Variants in WWTR1 observed in about 807,000 individuals in gnomAD.
The protein encoded by WWTR1 is WW domain containing transcription regulator 1.
A neutral mutation model predicts 40.1 loss-of-function variants in WWTR1; 13 were observed. That is an observed-to-expected ratio of 0.32 (90% confidence interval 0.21 to 0.52). The LOEUF is 0.52. Among genes scored for constraint, WWTR1 ranks in the 20% least tolerant of loss-of-function variants. The probability of loss-of-function intolerance (pLI) is 0.97; values close to 1 mark genes in which losing one functional copy is unlikely to be tolerated. For missense variants in WWTR1, 436 were observed against 523.1 expected, an observed-to-expected ratio of 0.83 and a Z score of 1.63; for synonymous variants, 230 against 210.1, an observed-to-expected ratio of 1.09 and a Z score of -0.82.
At chr3:149,704,073 G>A (rs1227018778), upstream of WWTR1, among the ~76,000 whole-genome samples, 2 of 152,048 alleles carry the variant, frequency 1.3e-5, no homozygotes, top group Admixed American at 6.6e-5. Flanking sequence ...GAACTTCTGA[G>A]CTCAAGCAAT....
At chr3:149,565,293 C>T (rs1737257922) in intron 3 of WWTR1, among the ~76,000 whole-genome samples, 1 of 151,724 alleles carries the variant, frequency 6.6e-6, no homozygotes, top group Non-Finnish European at 1.5e-5. Context: ...CCAAAATATT[C>T]ACCTAGCATA....
intron 3 of WWTR1, among the ~76,000 whole-genome samples, chr3:149,567,093 A>C (rs1335956885): frequency 6.6e-6 from 1 of 151,930 alleles, no homozygotes; most frequent in African/African-American, 2.4e-5. Flanking sequence ...GGATACTAGC[A>C]TCTCAGGTCA....
intron 2 of WWTR1, among the ~76,000 whole-genome samples, chr3:149,590,440 A>C (rs1026881832): frequency 1.3e-5 from 2 of 152,302 alleles, no homozygotes; most frequent in East Asian, 3.9e-4. Context: ...ACCTGAGGTC[A>C]GGAGTTTCAG....
chr3:149,591,000 T>G (rs1738690630), intron 2 of WWTR1, among the ~76,000 whole-genome samples: 1 of 63,888 alleles, frequency 1.6e-5, no homozygotes, highest in South Asian at 7.1e-4. Flanking sequence ...AAAACTTAGC[T>G]TTTTTTTTTT....
At chr3:149,682,015 T>C (rs1714471655) in intron 1 of WWTR1, among the ~76,000 whole-genome samples, 1 of 152,206 alleles carries the variant, frequency 6.6e-6, no homozygotes, top group Admixed American at 6.5e-5. Context: ...AAAAATCTGT[T>C]AAGAGGGTAG....
intron 1 of WWTR1, among the ~76,000 whole-genome samples, chr3:149,683,814 A>C (rs1186682622): frequency 6.6e-6 from 1 of 152,250 alleles, no homozygotes; most frequent in African/African-American, 2.4e-5. Context: ...AGGGAGAAGC[A>C]TGACAGCATG....
intron 3 of WWTR1, among the ~76,000 whole-genome samples, chr3:149,551,880 G>C (rs1736629204): frequency 6.9e-6 from 1 of 145,624 alleles, no homozygotes; most frequent in Non-Finnish European, 1.5e-5. Flanking sequence ...CTGTCAGTGT[G>C]TCCTCCTTGG....
intron 4 of WWTR1, among the ~76,000 whole-genome samples, chr3:149,723,184 T>A (rs1185492588): frequency 1.5e-5 from 1 of 68,940 alleles, no homozygotes; most frequent in Non-Finnish European, 3.3e-5. Context: ...TCTTTTCTTT[T>A]CTTTTTTTTT....
chr3:149,715,714 C>T (rs2108234278), intron 5 of WWTR1, among the ~76,000 whole-genome samples: 1 of 152,342 alleles, frequency 6.6e-6, no homozygotes, highest in South Asian at 2.1e-4. Context: ...CCCAGAACAA[C>T]AGTACTTCAT....
chr3:149,580,784 T>C (rs1207319006), intron 2 of WWTR1, among the ~76,000 whole-genome samples: 1 of 152,140 alleles, frequency 6.6e-6, no homozygotes, highest in African/African-American at 2.4e-5. Context: ...GGCTAACTTT[T>C]GTATTTTTAG....
At chr3:149,534,993 AGAG>A (rs1377509115) in intron 4 of WWTR1, among the ~76,000 whole-genome samples, 1 of 152,200 alleles carries the variant, frequency 6.6e-6, no homozygotes, top group East Asian at 1.9e-4. Flanking sequence ...ATAAACCAAC[AGAG>A]GAGGTGAGAA....
chr3:149,651,829 C>CTTTTTT (rs764013293), intron 2 of WWTR1, among the ~76,000 whole-genome samples: 1 of 118,000 alleles, frequency 8.5e-6, no homozygotes, highest in Non-Finnish European at 1.7e-5. Flanking sequence ...TATGGATTTT[C>CTTTTTT]TTTTTTTTTT....
chr3:149,627,862 T>G (rs572891912), intron 2 of WWTR1, among the ~76,000 whole-genome samples: 18 of 139,388 alleles, frequency 1.3e-4, no homozygotes, highest in South Asian at 4.5e-4. Context: ...TCACCAGAGG[T>G]CGGGAGCTCG....
chr3:149,712,205 G>A (rs1431777522), intron 5 of WWTR1, among the ~76,000 whole-genome samples: 1 of 152,176 alleles, frequency 6.6e-6, no homozygotes, highest in Non-Finnish European at 1.5e-5. Flanking sequence ...TGGGAGGATT[G>A]AGGCCAGGAG....
intron 1 of WWTR1, chr3:149,702,612 T>C (rs939683496): frequency 6.6e-6 from 1 of 152,070 alleles, no homozygotes; most frequent in Non-Finnish European, 1.5e-5. Flanking sequence ...ACTACTGTGA[T>C]TCTTTGACTT....
At chr3:149,671,349 G>T (rs895771604) in intron 1 of WWTR1, among the ~76,000 whole-genome samples, 1 of 152,256 alleles carries the variant, frequency 6.6e-6, no homozygotes, top group African/African-American at 2.4e-5. Context: ...AAAGAGCAGA[G>T]GCAAACCAGA....
chr3:149,635,980 C>T (rs1302387923), intron 2 of WWTR1, among the ~76,000 whole-genome samples: 1 of 152,054 alleles, frequency 6.6e-6, no homozygotes, highest in Non-Finnish European at 1.5e-5. Flanking sequence ...AGATGATAAC[C>T]TTATCAAATC....
At chr3:149,581,502 C>T (rs908713845) in intron 2 of WWTR1, among the ~76,000 whole-genome samples, 1 of 152,158 alleles carries the variant, frequency 6.6e-6, no homozygotes, top group Non-Finnish European at 1.5e-5. Context: ...TCAAACATAG[C>T]TGCAGTCTAT....
chr3:149,655,067 A>G (rs1713121746), intron 2 of WWTR1, among the ~76,000 whole-genome samples: 2 of 151,486 alleles, frequency 1.3e-5, no homozygotes, highest in African/African-American at 4.9e-5. Context: ...CGGAGCTTGC[A>G]GTGAGCCTAG....
Sources: allele counts gnomAD v4.1 joint callset (sites outside exome capture counted in the v4.1 genomes callset), GRCh38; gene constraint gnomAD v4.1.1; transcripts MANE v1.5; gene names NCBI Gene and HGNC (gene_info 2026-07-23, HGNC 2026-07-21).